Variants in ATP9A observed in about 807,000 individuals in gnomAD.
The protein encoded by ATP9A is ATPase phospholipid transporting 9A, also known as probable phospholipid-transporting ATPase IIA.
A neutral mutation model predicts 144.1 loss-of-function variants in ATP9A; 52 were observed. The ratio of observed to expected loss-of-function variants is 0.36; its 90% CI spans 0.29 to 0.45. The LOEUF is 0.45. Ranked by LOEUF, ATP9A falls within the 20% of genes least tolerant of loss-of-function variation. ATP9A has a pLI of 1.00. For synonymous variants in ATP9A, 582 were observed against 557.4 expected (o/e 1.04, Z -0.62); for missense variants, 947 against 1,392.7 (o/e 0.68, Z 5.09).
chr20:51,609,915 C>A (rs1601053905), intron 24 of ATP9A, among the ~76,000 whole-genome samples, 186 bp downstream of exon 24: 1 of 152,324 alleles, frequency 6.6e-6, no homozygotes, highest in Non-Finnish European at 1.5e-5. Context: ...TGGTTAAGGG[C>A]TTAACAGCTC....
intron 2 of ATP9A, among the ~76,000 whole-genome samples, chr20:51,728,086 A>G (rs1164832679): frequency 1.3e-5 from 2 of 152,178 alleles, no homozygotes; most frequent in African/African-American, 4.8e-5. Context: ...GTTTGGGCCA[A>G]TAGGTAATGA....
chr20:51,712,880 G>A (rs1312209523), intron 4 of ATP9A, 86 bp downstream of exon 4: 12 of 1,222,140 alleles, frequency 9.8e-6, no homozygotes, highest in African/African-American at 7.5e-5. Context: ...CCACACCTGC[G>A]GCCCGGGCCT....
chr20:51,628,901 G>T, intron 16 of ATP9A, 79 bp downstream of exon 16: 1 of 1,237,930 alleles, frequency 8.1e-7, no homozygotes, highest in Non-Finnish European at 1.2e-6. Context: ...CAAATACAGA[G>T]ACCCACCTTA....
chr20:51,706,777 G>A (rs941454745), intron 4 of ATP9A, among the ~76,000 whole-genome samples: 3 of 152,196 alleles, frequency 2.0e-5, no homozygotes, highest in Non-Finnish European at 2.9e-5. Flanking sequence ...AGAAACTACA[G>A]ATTAAACCTT....
At chr20:51,605,773 C>T (rs372585683) in intron 26 of ATP9A, among the ~76,000 whole-genome samples, 38 of 151,656 alleles carry the variant, frequency 2.5e-4, no homozygotes, top group African/African-American at 6.0e-4. Context: ...ATTAGCTGGA[C>T]GTGGAAGCGC....
chr20:51,694,323 C>T (rs1265169879), intron 6 of ATP9A, among the ~76,000 whole-genome samples: 1 of 152,192 alleles, frequency 6.6e-6, no homozygotes, highest in Non-Finnish European at 1.5e-5. Flanking sequence ...AGTGGGATCC[C>T]CAGCTAGTTT....
intron 1 of ATP9A, among the ~76,000 whole-genome samples, chr20:51,747,708 T>C (rs974865214): frequency 8.5e-5 from 13 of 152,182 alleles, no homozygotes; most frequent in African/African-American, 3.1e-4. Flanking sequence ...TCTCTGAGTC[T>C]TCCCTGTGGG....
intron 9 of ATP9A, among the ~76,000 whole-genome samples, chr20:51,679,094 C>T (rs1391432435): frequency 6.6e-6 from 1 of 152,106 alleles, no homozygotes; most frequent in Non-Finnish European, 1.5e-5. Context: ...GAGGCCGAGA[C>T]AGGCAGATCA....
At chr20:51,748,279 T>C (rs1766379264) in intron 1 of ATP9A, among the ~76,000 whole-genome samples, 1 of 152,124 alleles carries the variant, frequency 6.6e-6, no homozygotes, top group Non-Finnish European at 1.5e-5. Context: ...ATCCCATCTC[T>C]ATTTATTTTT....
chr20:51,655,579 G>C (rs577995577), intron 14 of ATP9A, among the ~76,000 whole-genome samples: 1 of 152,148 alleles, frequency 6.6e-6, no homozygotes, highest in Non-Finnish European at 1.5e-5. Context: ...ACCACAATGA[G>C]ATACCGCTCC....
intron 1 of ATP9A, among the ~76,000 whole-genome samples, chr20:51,740,852 G>T (rs1274261276): frequency 2.6e-5 from 4 of 151,900 alleles, no homozygotes; most frequent in Non-Finnish European, 5.9e-5. Context: ...TGGGATTACA[G>T]ATGTGAGCCA....
intron 21 of ATP9A, among the ~76,000 whole-genome samples, chr20:51,617,974 C>T (rs2077210063): frequency 6.6e-6 from 1 of 152,172 alleles, no homozygotes; most frequent in Non-Finnish European, 1.5e-5. Context: ...AATCTCAGCA[C>T]TTTAGGAGGC....
At chr20:51,658,893 G>GGGGT (rs2077399406) in intron 13 of ATP9A, among the ~76,000 whole-genome samples, 1 of 119,674 alleles carries the variant, frequency 8.4e-6, no homozygotes, top group Non-Finnish European at 1.8e-5. Context: ...ACTGGCGGGG[G>GGGGT]GGGGGGGGGG....
At chr20:51,677,895 C>T (rs1447835404) in intron 9 of ATP9A, among the ~76,000 whole-genome samples, 3 of 152,160 alleles carry the variant, frequency 2.0e-5, no homozygotes, top group Non-Finnish European at 2.9e-5. Context: ...TGGCAAAAAT[C>T]CTGTGGTACA....
intron 15 of ATP9A, among the ~76,000 whole-genome samples, chr20:51,634,452 G>A (rs1321498073): frequency 1.3e-5 from 2 of 152,162 alleles, no homozygotes; most frequent in Non-Finnish European, 2.9e-5. Context: ...GTGGACCAGT[G>A]GGAAAAGCAG....
chr20:51,712,877 T>C (rs1205698), intron 4 of ATP9A, 89 bp downstream of exon 4: 1,155,759 of 1,192,934 alleles, frequency 0.97, 560,055 homozygotes, highest in East Asian at 1. Context: ...TTCCCACACC[T>C]GCGGCCCGGG....
chr20:51,690,680 T>C, intron 8 of ATP9A, 59 bp downstream of exon 8: 2 of 1,436,246 alleles, frequency 1.4e-6, no homozygotes, highest in Non-Finnish European at 2.0e-6. Flanking sequence ...TTCTTGGCCT[T>C]CATTTCATCC....
intron 1 of ATP9A, among the ~76,000 whole-genome samples, chr20:51,756,847 G>C (rs1205189956): frequency 6.6e-6 from 1 of 152,116 alleles, no homozygotes; most frequent in Admixed American, 6.5e-5. Context: ...TGACCTCATA[G>C]CAAGAACAAT....
intron 13 of ATP9A, among the ~76,000 whole-genome samples, chr20:51,664,615 A>C (rs1326700034): frequency 6.6e-6 from 1 of 152,196 alleles, no homozygotes; most frequent in Non-Finnish European, 1.5e-5. Flanking sequence ...AAAATAAATA[A>C]GAAAACAAAA....
Sources: gnomAD v4.1 joint callset for allele counts (sites outside exome capture counted in the v4.1 genomes callset) on GRCh38, gnomAD v4.1.1 for gene constraint, MANE v1.5 for transcripts, NCBI Gene and HGNC (gene_info 2026-07-23, HGNC 2026-07-21) for gene names.